Variants in SLC22A23 observed in about 807,000 individuals in gnomAD.
SLC22A23 encodes ion transporter protein.
In SLC22A23, 26 loss-of-function variants were observed where a neutral mutation model predicts 61.0. The ratio of observed to expected loss-of-function variants is 0.43; its 90% CI spans 0.31 to 0.59. The LOEUF is 0.59. Ranked by LOEUF, SLC22A23 falls within the 20% of genes least tolerant of loss-of-function variation. The probability of loss-of-function intolerance (pLI) is 0.11; values close to 1 mark genes in which losing one functional copy is unlikely to be tolerated. For synonymous variants in SLC22A23, 430 were observed against 413.9 expected, an observed-to-expected ratio of 1.04 and a Z score of -0.47; for missense variants, 796 against 934.7, an observed-to-expected ratio of 0.85 and a Z score of 1.94.
intron 3 of SLC22A23, among the ~76,000 whole-genome samples, chr6:3,339,517 T>C (rs752742956): frequency 4.6e-5 from 7 of 152,138 alleles, no homozygotes; most frequent in Non-Finnish European, 1.5e-5. Flanking sequence ...CCCAGATGGT[T>C]AAGGCATTCT....
chr6:3,361,685 C>A (rs1765458061), intron 3 of SLC22A23, among the ~76,000 whole-genome samples: 1 of 152,238 alleles, frequency 6.6e-6, no homozygotes, highest in Non-Finnish European at 1.5e-5. Context: ...CTCAACACAG[C>A]AAGCCCCATG....
In SLC22A23 at chr6:3,286,099, GA is replaced by G. The variant is rs1323953436; in HGVS notation, c.1546+759del. Among the ~76,000 whole-genome samples the G allele has an allele frequency of 1.1e-4, 9 of 78,564 alleles. No homozygotes were observed. Among genetic ancestry groups the G allele is most frequent in the Non-Finnish European group, 1.1e-4 (4 of 36,286 alleles). The allele number at this position is 78,564 out of a possible 152,430, so 51.5% of individuals were successfully genotyped here. ...AGATGGACTCTCTAGCTTTGCCTTA[GA>G]TTTTTTTTTTTTTTTTGAGATGGAG... On this transcript the variant is annotated intron_variant, in intron 7 of 9. Coordinates refer to ENST00000406686, the MANE Select transcript of SLC22A23 (RefSeq NM_015482.2). The surrounding 1 kb of genome is among the most constrained non-coding windows in gnomAD (Gnocchi z 4.2).
intron 3 of SLC22A23, among the ~76,000 whole-genome samples, chr6:3,408,726 G>C (rs1395097347): frequency 6.6e-6 from 1 of 152,174 alleles, no homozygotes; most frequent in East Asian, 1.9e-4. Context: ...GGGGTGGTGA[G>C]GCTGAGGTTA....
rs1418754439 is a variant in SLC22A23, at chr6:3,329,197, A to C, written c.914-5195T>G. 6.6e-6 allele frequency among the ~76,000 whole-genome samples: 1 copy of C among 152,028 alleles called. No individual in the cohort carries two copies. Among genetic ancestry groups the C allele is most frequent in the Non-Finnish European group, 1.5e-5 (1 of 67,992 alleles). On this transcript the variant is annotated intron_variant, in intron 3 of 9. Transcript: ENST00000406686. The surrounding 1 kb of genome is among the most constrained non-coding windows in gnomAD (Gnocchi z 4.8). Reference sequence around the variant, plus strand: ...CCCCCACAAACACACACACCGATCTAACTGTTCATTGGATTCAGTGATTAT... The same window carrying C: ...CCCCCACAAACACACACACCGATCTCACTGTTCATTGGATTCAGTGATTAT...
chr6:3,428,503 G>C (rs1452934195), intron 1 of SLC22A23, among the ~76,000 whole-genome samples: 1 of 152,130 alleles, frequency 6.6e-6, no homozygotes, highest in Non-Finnish European at 1.5e-5. Context: ...AACAAGCCAG[G>C]GCACCTGAAC....
intron 3 of SLC22A23, among the ~76,000 whole-genome samples, chr6:3,401,990 G>A (rs997951989): frequency 1.3e-5 from 2 of 152,170 alleles, no homozygotes; most frequent in Non-Finnish European, 2.9e-5. Flanking sequence ...AGACTCTACA[G>A]GATTTGGAAT....
chr6:3,294,120 C>G (rs1345031476), intron 5 of SLC22A23, among the ~76,000 whole-genome samples: 1 of 152,176 alleles, frequency 6.6e-6, no homozygotes, highest in East Asian at 1.9e-4. Context: ...CTCCCCACTG[C>G]TCAGCCTCTT....
chr6:3,302,812 G>C (rs955896222), intron 4 of SLC22A23: 1 of 152,096 alleles, frequency 6.6e-6, no homozygotes, highest in Non-Finnish European at 1.5e-5. Flanking sequence ...GTATGATTTT[G>C]ATTTTTAAAA....
intron 1 of SLC22A23, among the ~76,000 whole-genome samples, chr6:3,455,660 G>A (rs1772362601): frequency 1.3e-5 from 2 of 152,256 alleles, no homozygotes; most frequent in South Asian, 4.1e-4. Flanking sequence ...GGTGGGGGAA[G>A]GGCGCGCTTT....
chr6:3,371,057 G>A (rs981946), intron 3 of SLC22A23, among the ~76,000 whole-genome samples: 59,559 of 152,062 alleles, frequency 0.39, 11,945 homozygotes, highest in African/African-American at 0.48. Context: ...TGTTTATCTG[G>A]TGCCATGGTA....
In SLC22A23 at chr6:3,342,931, G is replaced by A. The variant is rs984555456; in HGVS notation, c.914-18929C>T. Among the ~76,000 whole-genome samples, 4 of 152,172 alleles carry A rather than the reference G, an allele frequency of 2.6e-5. No individual in the cohort carries two copies. Among genetic ancestry groups the A allele is most frequent in the Admixed American group, 2.6e-4 (4 of 15,284 alleles). On this transcript the variant is annotated intron_variant, in intron 3 of 9. Coordinates refer to ENST00000406686, the MANE Select transcript of SLC22A23 (RefSeq NM_015482.2). The surrounding 1 kb of genome is among the most constrained non-coding windows in gnomAD (Gnocchi z 4.0). ...CCATCCTAATGCAGGGAAGGGGTTA[G>A]GATTTCAAGAGACAAGAAATAGTGG...
intron 3 of SLC22A23, among the ~76,000 whole-genome samples, chr6:3,346,608 T>C (rs938433688): frequency 6.6e-6 from 1 of 152,196 alleles, no homozygotes; most frequent in African/African-American, 2.4e-5. Context: ...TGGCATTGCA[T>C]TCCTGTGTCA....
intron 4 of SLC22A23, among the ~76,000 whole-genome samples, chr6:3,311,047 CTGGGCACCATCCACCTGCTG>C (rs1338490025): frequency 5.9e-5 from 9 of 152,268 alleles, no homozygotes; most frequent in Admixed American, 1.3e-4. Flanking sequence ...TAAACATGCA[CTGGGCACCATCCACCTGCTG>C]TGGACGGGCT....
At chr6:3,287,558 C>T (rs573055034) in intron 6 of SLC22A23, among the ~76,000 whole-genome samples, 4 of 152,126 alleles carry the variant, frequency 2.6e-5, no homozygotes, top group African/African-American at 9.7e-5. Context: ...TTTCTGGGCA[C>T]TTAGGGTTCT....
rs531030838 is a variant in SLC22A23, at chr6:3,320,953, C to T, written c.1082+2881G>A. ...ATCATGGCAGTTAATATACATATGG[C>T]ACTAGGTGACAGGCACTGTTCTAAA... On this transcript the variant is annotated intron_variant, in intron 4 of 9. Transcript: ENST00000406686. 6.9e-4 allele frequency among the ~76,000 whole-genome samples: 105 copies of T among 152,240 alleles called. 1 individual carries two copies. The highest frequency in any genetic ancestry group is 1.3e-3 in the Non-Finnish European group (90 of 68,004).
At chr6:3,430,600 C>T (rs1349786055) in intron 1 of SLC22A23, among the ~76,000 whole-genome samples, 3 of 152,146 alleles carry the variant, frequency 2.0e-5, no homozygotes, top group Non-Finnish European at 4.4e-5. Context: ...GTGCTGTCCT[C>T]GCTCTTTAGA....
chr6:3,371,520 G>A (rs1766215183), intron 3 of SLC22A23, among the ~76,000 whole-genome samples: 2 of 152,216 alleles, frequency 1.3e-5, no homozygotes, highest in Admixed American at 6.5e-5. Context: ...TGGCCAGTAG[G>A]CGGGGGCTTA....
intron 3 of SLC22A23, among the ~76,000 whole-genome samples, chr6:3,361,165 T>A (rs991130754): frequency 3.3e-5 from 5 of 150,166 alleles, no homozygotes; most frequent in Admixed American, 2.7e-4. Context: ...CCTGCAGCAG[T>A]GTCACACAGA....
At chr6:3,363,467 G>A (rs1039195577) in intron 3 of SLC22A23, among the ~76,000 whole-genome samples, 7 of 152,230 alleles carry the variant, frequency 4.6e-5, no homozygotes, top group Non-Finnish European at 8.8e-5. Context: ...AAGGGGAGGG[G>A]ATGGAAAAGA....
Sources: allele counts gnomAD v4.1 joint callset (sites outside exome capture counted in the v4.1 genomes callset), GRCh38; gene constraint gnomAD v4.1.1; non-coding constraint Gnocchi (gnomAD v3.1); transcripts MANE v1.5; gene names NCBI Gene and HGNC (gene_info 2026-07-23, HGNC 2026-07-21).